Variants in TET2 observed in about 807,000 individuals in gnomAD.
The protein encoded by TET2 is methylcytosine dioxygenase TET2.
TET2 carries 299 observed loss-of-function variants against 142.9 expected under a neutral mutation model. The observed-to-expected ratio is 2.09, with a 90% CI of 1.90 to 2.30. TET2 has a LOEUF of 2.30. Among genes scored for constraint, TET2 ranks in the 30% most tolerant of loss-of-function variants. The pLI, the probability that TET2 is intolerant of heterozygous loss-of-function variation, is 0.00. For missense variants in TET2, 2,418 were observed against 2,378.0 expected (o/e 1.02, Z -0.35); for synonymous variants, 819 against 849.0 (o/e 0.96, Z 0.61).
intron 1 of TET2, among the ~76,000 whole-genome samples, chr4:105,180,736 T>C (rs1263715085): frequency 6.6e-6 from 1 of 151,662 alleles, no homozygotes; most frequent in Admixed American, 6.6e-5. Flanking sequence ...ACCTCCTGAG[T>C]TCAAGCGATT....
At chr4:105,178,441 T>C (rs1419429999) in intron 1 of TET2, among the ~76,000 whole-genome samples, 1 of 152,200 alleles carries the variant, frequency 6.6e-6, no homozygotes, top group East Asian at 1.9e-4. Flanking sequence ...GAGGAATGTA[T>C]AGGCAAATTT....
intron 2 of TET2, among the ~76,000 whole-genome samples, chr4:105,206,466 A>T (rs2110529200): frequency 6.6e-6 from 1 of 152,290 alleles, no homozygotes; most frequent in East Asian, 1.9e-4. Context: ...ACAAACGTGG[A>T]GGGCTTCAAC....
At chr4:105,269,520 T>C (rs530957388) in intron 8 of TET2, 90 bp from the exon 9 acceptor site, 1 of 1,356,502 alleles carries the variant, frequency 7.4e-7, no homozygotes, top group African/African-American at 1.5e-5. Context: ...AACATTTTTT[T>C]AAAGTTCTAA....
At chr4:105,257,575 T>C (rs1451385588) in intron 6 of TET2, among the ~76,000 whole-genome samples, 2 of 152,100 alleles carry the variant, frequency 1.3e-5, no homozygotes, top group African/African-American at 4.8e-5. Context: ...AGCTCTGGAT[T>C]AGCCTTTATT....
chr4:105,272,574 T>C lies in TET2; in HGVS notation c.4193T>C (p.Leu1398Pro), dbSNP rs1011713319. The part of the protein sequence containing the change: ...MQNGSTLVCT[L>P]TREDNREFGG... The stretch of plus-strand genomic sequence containing the variant: ...TTACTTCCCTACCAGGTATGCACTC[T>C]CACTAGAGAAGACAATCGAGAATTT... The change falls in exon 10 of 11, where the codon CTC becomes CCC. Residue 1398 changes from leucine (L) to proline (P), a missense_variant. Physicochemically the swap from Leu to Pro is moderately conservative, Grantham distance 98 (BLOSUM62 -3). Coordinates refer to ENST00000380013, the MANE Select transcript of TET2 (RefSeq NM_001127208.3). The C allele has an allele frequency of 1.3e-6, 2 of 1,530,004 alleles. No homozygotes were observed. The highest frequency in any genetic ancestry group is 1.4e-5 in the African/African-American group (1 of 72,088). The allele number at this position is 1,530,004 out of a possible 1,614,324, so 94.8% of individuals were successfully genotyped here. A position where few individuals can be genotyped will look rare whatever the true frequency, so the allele number is the denominator to read the frequency against.
At chr4:105,159,652 T>G (rs1249208467) in intron 1 of TET2, among the ~76,000 whole-genome samples, 4 of 152,206 alleles carry the variant, frequency 2.6e-5, no homozygotes, top group African/African-American at 9.6e-5. Flanking sequence ...TGGATCTGAT[T>G]ATAATTCACA....
chr4:105,271,446 G>C (rs1281454473), intron 9 of TET2, among the ~76,000 whole-genome samples: 1 of 118,384 alleles, frequency 8.4e-6, no homozygotes, highest in Non-Finnish European at 2.1e-5. Flanking sequence ...TTAGAATCAA[G>C]AAGAATTTGC....
intron 7 of TET2, among the ~76,000 whole-genome samples, chr4:105,261,223 C>T (rs1288019493): frequency 1.3e-5 from 2 of 151,922 alleles, no homozygotes; most frequent in African/African-American, 4.8e-5. Context: ...TGAGCATTTC[C>T]CCTTTCAAGT....
chr4:105,236,962 C>A lies in TET2; in HGVS notation c.3020C>A (p.Thr1007Asn), dbSNP rs1470120184. The A allele has an allele frequency of 6.2e-7, 1 of 1,614,096 alleles. No homozygotes were observed. The highest frequency in any genetic ancestry group is 1.1e-5 in the South Asian group (1 of 91,082). Residue 1007 changes from threonine (T) to asparagine (N), a missense_variant, in exon 3 of 11, where the codon ACT becomes AAT. By Grantham distance (65) the Thr-to-Asn change is moderately conservative. Coordinates refer to ENST00000380013, the MANE Select transcript of TET2 (RefSeq NM_001127208.3). ...PPENKTWKKV[T>N]KQENPPASCD... ...GAAAACAAAACATGGAAAAAGGTAA[C>A]TAAGCAAGAGAATCCACCTGCAAGC...
chr4:105,224,077 T>C (rs1273418432), intron 2 of TET2, among the ~76,000 whole-genome samples: 1 of 152,126 alleles, frequency 6.6e-6, no homozygotes. Flanking sequence ...ATTGACTCTT[T>C]TGTCCCCTTG....
intron 2 of TET2, among the ~76,000 whole-genome samples, chr4:105,224,507 G>C (rs550328664): frequency 7.2e-5 from 11 of 152,196 alleles, no homozygotes; most frequent in African/African-American, 2.6e-4. Flanking sequence ...TCAGAGAGGC[G>C]GGAGAAGGAA....
chr4:105,245,568 G>C (rs1353932555), intron 6 of TET2, among the ~76,000 whole-genome samples: 1 of 152,072 alleles, frequency 6.6e-6, no homozygotes, highest in Non-Finnish European at 1.5e-5. Context: ...GACCTCGGGT[G>C]ATCCGCCCGC....
At chr4:105,202,185 A>G (rs773041658) in intron 2 of TET2, among the ~76,000 whole-genome samples, 1 of 152,224 alleles carries the variant, frequency 6.6e-6, no homozygotes, top group Non-Finnish European at 1.5e-5. Context: ...TATACAATTA[A>G]GTAGTTCCCT....
chr4:105,176,471 C>A (rs1724802342), intron 1 of TET2, among the ~76,000 whole-genome samples: 1 of 152,040 alleles, frequency 6.6e-6, no homozygotes, highest in South Asian at 2.1e-4. Context: ...ATAAAGAAAG[C>A]CAATCACTTT....
At chr4:105,240,345 TA>T (rs1419942626) in intron 3 of TET2, 10 of 1,067,220 alleles carry the variant, frequency 9.4e-6, no homozygotes, top group Non-Finnish European at 1.1e-5. Context: ...AGCTTTTTGT[TA>T]AAATTCAGGA....
intron 1 of TET2, among the ~76,000 whole-genome samples, chr4:105,185,366 T>G (rs968935258): frequency 6.6e-6 from 1 of 152,220 alleles, no homozygotes; most frequent in Non-Finnish European, 1.5e-5. Flanking sequence ...GGTAAACAAC[T>G]GATAGTATTT....
intron 4 of TET2, 164 bp downstream of exon 4, chr4:105,241,593 A>G (rs1729302108): frequency 7.3e-7 from 1 of 1,368,220 alleles, no homozygotes; most frequent in Non-Finnish European, 9.5e-7. Context: ...GCTATTCACC[A>G]GAGAGTCACA....
In TET2 at chr4:105,276,684, C is replaced by A; in HGVS notation, c.*165C>A. 1.3e-6 allele frequency: 1 copy of A among 762,388 alleles called. No individual in the cohort carries two copies. Among genetic ancestry groups the A allele is most frequent in the Non-Finnish European group, 2.0e-6 (1 of 500,712 alleles). 47.2% of individuals were successfully genotyped at this position (762,388 alleles called of 1,614,324 possible). A position where few individuals can be genotyped will look rare whatever the true frequency, so the allele number is the denominator to read the frequency against. ...AACAAAAGAGGTTATCTTACCATAG[C>A]ACTTAATTTTCACTGGCTCCCAAGT... On this transcript the variant is annotated 3_prime_UTR_variant, in exon 11 of 11. Transcript: ENST00000380013.
intron 3 of TET2, chr4:105,240,488 T>G: frequency 9.3e-7 from 1 of 1,077,450 alleles, no homozygotes; most frequent in Non-Finnish European, 1.1e-6. Context: ...AAGACAAATG[T>G]TAAATTAGTG....
Sources: allele counts gnomAD v4.1 joint callset (sites outside exome capture counted in the v4.1 genomes callset), GRCh38; gene constraint gnomAD v4.1.1; transcripts MANE v1.5; gene names NCBI Gene and HGNC (gene_info 2026-07-23, HGNC 2026-07-21).